Variants in CATSPERB observed in about 807,000 individuals in gnomAD.
The protein encoded by CATSPERB is catsper channel auxiliary subunit beta.
Under a neutral mutation model 128.3 loss-of-function variants are expected in CATSPERB, and 93 were observed. The ratio of observed to expected loss-of-function variants is 0.72; its 90% CI spans 0.61 to 0.86. The LOEUF (loss-of-function observed/expected upper bound fraction) is 0.86, where lower values mean the gene tolerates loss of function less well. Among genes scored for constraint, CATSPERB ranks in the 40% least tolerant of loss-of-function variants. The pLI, the probability that CATSPERB is intolerant of heterozygous loss-of-function variation, is 0.00. For missense variants in CATSPERB, 1,153 were observed against 1,329.5 expected (o/e 0.87, Z 2.06); for synonymous variants, 381 against 448.8 (o/e 0.85, Z 1.91).
chr14:91,586,571 A>AGAGAGAGAGAG (rs374162982), intron 26 of CATSPERB, among the ~76,000 whole-genome samples: 61 of 114,234 alleles, frequency 5.3e-4, no homozygotes, highest in Non-Finnish European at 6.3e-4. Context: ...GAGAGAGAGA[A>AGAGAGAGAGAG]AGAGAGAGAG....
chr14:91,618,350 A>G (rs1292822187), intron 19 of CATSPERB, among the ~76,000 whole-genome samples: 1 of 152,200 alleles, frequency 6.6e-6, no homozygotes, highest in Non-Finnish European at 1.5e-5. Flanking sequence ...GAATGCCTTA[A>G]CCATCTGGGA....
chr14:91,587,273 AGCCCTGTGG>A lies in CATSPERB; in HGVS notation c.3058-6_3060del. The stretch of plus-strand genomic sequence containing the variant: ...GTCACTCTAAAGTGGAAAAGTTCAG[AGCCCTGTGG>A]AAAAAAGCACACCCAGTTGTTAGCA... On this transcript the variant is annotated splice_acceptor_variant and splice_polypyrimidine_tract_variant and coding_sequence_variant and intron_variant, in exon 26 of 27. Coordinates refer to ENST00000256343, the MANE Select transcript of CATSPERB (RefSeq NM_024764.4). LOFTEE classifies it high-confidence loss of function. 6.2e-7 allele frequency: 1 copy of A among 1,603,690 alleles called. No homozygotes were observed. The highest frequency in any genetic ancestry group is 8.5e-7 in the Non-Finnish European group (1 of 1,176,364).
intron 22 of CATSPERB, among the ~76,000 whole-genome samples, chr14:91,599,953 T>A (rs928934278): frequency 1.3e-5 from 2 of 152,218 alleles, no homozygotes; most frequent in African/African-American, 4.8e-5. Context: ...TTTTCCTTAG[T>A]GATATTGGGG....
chr14:91,672,056 A>G (rs991100623), intron 13 of CATSPERB, among the ~76,000 whole-genome samples: 1 of 152,190 alleles, frequency 6.6e-6, no homozygotes, highest in African/African-American at 2.4e-5. Context: ...CAACAACAAA[A>G]AGATGGTACC....
chr14:91,604,575 G>T, intron 22 of CATSPERB: 1 of 1,610,096 alleles, frequency 6.2e-7, no homozygotes. Context: ...ATGGAGGACT[G>T]CAGAGATTCC....
intron 11 of CATSPERB, among the ~76,000 whole-genome samples, chr14:91,678,150 C>T (rs1344918285): frequency 2.6e-5 from 4 of 152,108 alleles, no homozygotes; most frequent in African/African-American, 7.2e-5. Context: ...ACCTAGATGA[C>T]AGTTGAAAGA....
chr14:91,638,163 C>T (rs918089882), intron 16 of CATSPERB, among the ~76,000 whole-genome samples: 1 of 152,184 alleles, frequency 6.6e-6, no homozygotes, highest in Non-Finnish European at 1.5e-5. Flanking sequence ...GTTTTACTAA[C>T]CCCAGTCAAA....
intron 5 of CATSPERB, chr14:91,709,870 C>T (rs1435180979): frequency 6.6e-6 from 1 of 152,124 alleles, no homozygotes; most frequent in African/African-American, 2.4e-5. Flanking sequence ...CCAGTATCTT[C>T]CAGAATGGTT....
intron 20 of CATSPERB, among the ~76,000 whole-genome samples, chr14:91,612,063 TCTTCC>T (rs1893843548): frequency 9.5e-5 from 8 of 83,892 alleles, no homozygotes; most frequent in South Asian, 4.2e-4. Context: ...TTTCTTTCTT[TCTTCC>T]TTTTTTTAAG....
Position 91,626,684 on chromosome 14 carries a change from G to A in CATSPERB, c.1743-1677C>T, listed in dbSNP as rs538884442. Among the ~76,000 whole-genome samples, 4 of 152,192 alleles carry A rather than the reference G, an allele frequency of 2.6e-5. No homozygotes were observed. In the South Asian group the frequency reaches 8.3e-4, roughly 32 times the overall value. On this transcript the variant is annotated intron_variant, in intron 17 of 26. Coordinates refer to ENST00000256343, the MANE Select transcript of CATSPERB (RefSeq NM_024764.4). ...TCCACCATGGGATGACGGAGCATGA[G>A]GCCCTCACCAGATGTGGGCCCCCCA... is the stretch of plus-strand genomic sequence containing the variant.
chr14:91,731,306 T>C (rs529895031), intron 1 of CATSPERB, among the ~76,000 whole-genome samples: 81 of 152,336 alleles, frequency 5.3e-4, no homozygotes, highest in African/African-American at 1.8e-3. Flanking sequence ...CTTTGGGGCA[T>C]AGTTCCAGTC....
At chr14:91,640,575 C>A (rs200116962) in intron 15 of CATSPERB, among the ~76,000 whole-genome samples, 46,652 of 80,096 alleles carry the variant, frequency 0.58, 13,613 homozygotes, top group East Asian at 0.8. Flanking sequence ...GACATGAACT[C>A]ATCATTTTTT....
intron 19 of CATSPERB, among the ~76,000 whole-genome samples, chr14:91,621,118 A>G (rs929458518): frequency 1.3e-5 from 2 of 152,184 alleles, no homozygotes; most frequent in African/African-American, 4.8e-5. Context: ...GTATAGAAAT[A>G]TGGCTGAGCG....
At chr14:91,730,944 GGA>G (rs1301735117) in intron 1 of CATSPERB, among the ~76,000 whole-genome samples, 1 of 152,114 alleles carries the variant, frequency 6.6e-6, no homozygotes, top group Non-Finnish European at 1.5e-5. Flanking sequence ...CAAGGTAAGA[GGA>G]AACAAATGGT....
At chr14:91,676,030 T>C (rs1426453845) in intron 11 of CATSPERB, among the ~76,000 whole-genome samples, 2 of 152,174 alleles carry the variant, frequency 1.3e-5, no homozygotes, top group Non-Finnish European at 2.9e-5. Flanking sequence ...TGTTTTGCCA[T>C]CTCATTTGTT....
At chr14:91,710,944 G>A (rs1895829701) in intron 5 of CATSPERB, among the ~76,000 whole-genome samples, 3 of 152,172 alleles carry the variant, frequency 2.0e-5, no homozygotes, top group South Asian at 2.1e-4. Flanking sequence ...AGAGTTGAGT[G>A]TCTACAGTCT....
rs1464632286 is a variant in CATSPERB at position 91,605,392 on chromosome 14, T to G, written c.2709+2902A>C. On this transcript the variant is annotated intron_variant, in intron 22 of 26. Coordinates refer to ENST00000256343, the MANE Select transcript of CATSPERB (RefSeq NM_024764.4). ...AAAAGGTTAAGGTGGCTTTAAGACTTTTTTCTGGAAGATCTTAGAGAAATA... is the reference window on the plus strand; with the variant it reads ...AAAAGGTTAAGGTGGCTTTAAGACTGTTTTCTGGAAGATCTTAGAGAAATA... The G allele has an allele frequency of 7.2e-6, 4 of 553,706 alleles. No individual in the cohort carries two copies. The African/African-American group carries it at 7.5e-5, about 10-fold the overall frequency. 34.3% of individuals were successfully genotyped at this position (553,706 alleles called of 1,614,324 possible).
intron 7 of CATSPERB, among the ~76,000 whole-genome samples, chr14:91,701,910 CA>C (rs68037916): frequency 0.92 from 127,222 of 138,622 alleles, 58,230 homozygotes; most frequent in East Asian, 0.98. Flanking sequence ...GACCCTGTCT[CA>C]AAAAAAAAAA....
intron 6 of CATSPERB, among the ~76,000 whole-genome samples, chr14:91,707,553 GC>G (rs1317533881): frequency 7.0e-6 from 1 of 142,278 alleles, no homozygotes; most frequent in Non-Finnish European, 1.5e-5. Context: ...CCTCAATGTG[GC>G]CACAGTAAAA....
Sources: allele counts gnomAD v4.1 joint callset (sites outside exome capture counted in the v4.1 genomes callset), GRCh38; gene constraint gnomAD v4.1.1; transcripts MANE v1.5; gene names NCBI Gene and HGNC (gene_info 2026-07-23, HGNC 2026-07-21).